The following SYN2 variants were observed in gnomAD, a reference collection of about 807,000 sequenced individuals.
The protein encoded by SYN2 is synapsin II, also known as synapsin-2.
Under a neutral mutation model 50.9 loss-of-function variants are expected in SYN2, and 19 were observed. That is an observed-to-expected ratio of 0.37 (90% CI 0.26 to 0.55). The LOEUF (loss-of-function observed/expected upper bound fraction) is 0.55. Ranked by LOEUF, SYN2 falls within the 20% of genes least tolerant of loss-of-function variation. The probability of loss-of-function intolerance (pLI) is 0.81; values close to 1 mark genes in which losing one functional copy is unlikely to be tolerated. For missense variants in SYN2, 587 were observed against 576.4 expected (o/e 1.02, Z -0.19); for synonymous variants, 255 against 224.9 (o/e 1.13, Z -1.20).
chr3:12,190,519 G>T lies in SYN2; in HGVS notation c.1643G>T (p.Ser548Ile). The T allele has an allele frequency of 6.2e-7, 1 of 1,613,774 alleles. No individual in the cohort carries two copies. Among genetic ancestry groups the T allele is most frequent in the Non-Finnish European group, 8.5e-7 (1 of 1,179,814 alleles). Residue 548 changes from serine to isoleucine, a missense_variant, in exon 13 of 13, where the codon AGC becomes ATC. Coordinates refer to ENST00000621198, the MANE Select transcript of SYN2 (RefSeq NM_133625.6). ...TCGCAGTCCCTGACAAATGCCTTCAGCTTCTCTGAGTCCTCCTTCTTCCGG... is the reference window on the plus strand; with the variant it reads ...TCGCAGTCCCTGACAAATGCCTTCATCTTCTCTGAGTCCTCCTTCTTCCGG... ...NKSQSLTNAF[S>I]FSESSFFRSS...
intron 10 of SYN2, among the ~76,000 whole-genome samples, chr3:12,173,379 C>G (rs1381037621): frequency 3.9e-5 from 6 of 152,172 alleles, no homozygotes; most frequent in African/African-American, 1.4e-4. Flanking sequence ...TCACATCCAC[C>G]CACTTATCTG....
rs1455539000 is a variant in SYN2 at position 12,004,710 on chromosome 3, C to T, written c.159C>T (p.Thr53=). ...GAASASAAPP[T]ASPGPERRPP... ...CCTCGGCCTCGGCGGCGCCCCCGAC[C>T]GCCTCGCCGGGCCCGGAGCGGAGGC... The change falls in exon 1 of 13, where the codon ACC becomes ACT. Residue 53 remains threonine, a synonymous_variant. Transcript: ENST00000621198. The T allele has an allele frequency of 7.8e-5, 13 of 167,100 alleles. No homozygotes were observed. Among genetic ancestry groups the T allele is most frequent in the African/African-American group, 3.2e-4 (13 of 40,706 alleles). 10.4% of individuals were successfully genotyped at this position (167,100 alleles called of 1,614,324 possible). A position where few individuals can be genotyped will look rare whatever the true frequency, so the allele number is the denominator to read the frequency against.
chr3:12,112,717 A>G (rs1696349876), intron 1 of SYN2, among the ~76,000 whole-genome samples: 1 of 152,128 alleles, frequency 6.6e-6, no homozygotes, highest in African/African-American at 2.4e-5. Flanking sequence ...ATTAATAGTG[A>G]TTGGCAGACT....
intron 1 of SYN2, among the ~76,000 whole-genome samples, chr3:12,024,755 C>T (rs1383983877): frequency 2.0e-5 from 3 of 152,148 alleles, no homozygotes. Flanking sequence ...AATTTTTGTA[C>T]ATGATGTTGG....
At chr3:12,125,114 A>G (rs1316495915) in intron 1 of SYN2, among the ~76,000 whole-genome samples, 1 of 151,988 alleles carries the variant, frequency 6.6e-6, no homozygotes, top group Non-Finnish European at 1.5e-5. Flanking sequence ...TCCCGGGTTC[A>G]AGTGATTCTC....
At chr3:12,094,702 G>C (rs1230426267) in intron 1 of SYN2, among the ~76,000 whole-genome samples, 1 of 152,150 alleles carries the variant, frequency 6.6e-6, no homozygotes, top group Non-Finnish European at 1.5e-5. Context: ...CTAGCACATA[G>C]AATATCTCTA....
chr3:12,099,083 T>C (rs1297778370), intron 1 of SYN2, among the ~76,000 whole-genome samples: 1 of 151,986 alleles, frequency 6.6e-6, no homozygotes, highest in African/African-American at 2.4e-5. Context: ...ATGGACAGAA[T>C]TGAAGGGAAA....
intron 1 of SYN2, among the ~76,000 whole-genome samples, chr3:12,098,117 A>G (rs150732909): frequency 2.0e-5 from 3 of 152,372 alleles, no homozygotes; most frequent in African/African-American, 4.8e-5. Context: ...ACCCAAAGTC[A>G]GTCTTGAAAG....
intron 1 of SYN2, among the ~76,000 whole-genome samples, chr3:12,091,739 G>A (rs999242568): frequency 7.9e-5 from 12 of 152,192 alleles, no homozygotes; most frequent in Non-Finnish European, 1.8e-4. Context: ...AACACTAACA[G>A]TGGTCTACCC....
At chr3:12,011,100 C>T (rs1693902792) in intron 1 of SYN2, among the ~76,000 whole-genome samples, 1 of 152,184 alleles carries the variant, frequency 6.6e-6, no homozygotes, top group African/African-American at 2.4e-5. Flanking sequence ...GAGGCTACTG[C>T]ATTTAACCAT....
chr3:12,056,251 A>G (rs1352262559), intron 1 of SYN2, among the ~76,000 whole-genome samples: 1 of 152,056 alleles, frequency 6.6e-6, no homozygotes, highest in Admixed American at 6.5e-5. Context: ...AAGTAATTCC[A>G]TAAAAGTCAA....
intron 7 of SYN2, among the ~76,000 whole-genome samples, chr3:12,164,266 G>A (rs1697727352): frequency 1.3e-5 from 2 of 152,102 alleles, no homozygotes; most frequent in Admixed American, 6.5e-5. Flanking sequence ...CTTAAAAGAA[G>A]ACACCTAAAT....
At chr3:12,093,805 C>G (rs1317062732) in intron 1 of SYN2, among the ~76,000 whole-genome samples, 2 of 152,044 alleles carry the variant, frequency 1.3e-5, no homozygotes, top group Non-Finnish European at 2.9e-5. Flanking sequence ...TCTCTATCCC[C>G]TGACTGCCTT....
intron 3 of SYN2, among the ~76,000 whole-genome samples, chr3:12,144,332 A>G (rs1175300461): frequency 6.6e-6 from 1 of 152,142 alleles, no homozygotes; most frequent in Non-Finnish European, 1.5e-5. Flanking sequence ...GAAGAATAAC[A>G]TTGGGAAGTC....
chr3:12,121,108 T>C (rs1248807971), intron 1 of SYN2, among the ~76,000 whole-genome samples: 1 of 152,230 alleles, frequency 6.6e-6, no homozygotes, highest in Non-Finnish European at 1.5e-5. Context: ...TAACCTTTAC[T>C]TCACTTTTGC....
chr3:12,023,139 G>T (rs1016270203), intron 1 of SYN2, among the ~76,000 whole-genome samples: 1 of 151,956 alleles, frequency 6.6e-6, no homozygotes, highest in Non-Finnish European at 1.5e-5. Flanking sequence ...TATTTTCCAG[G>T]GTTATTGTGC....
At chr3:12,142,434 T>C (rs1483460433) in intron 3 of SYN2, among the ~76,000 whole-genome samples, 2 of 152,242 alleles carry the variant, frequency 1.3e-5, no homozygotes, top group Middle Eastern at 3.2e-3. Context: ...TAGTGAGTTG[T>C]GGCAGAGCCC....
intron 1 of SYN2, among the ~76,000 whole-genome samples, chr3:12,114,442 C>T (rs1196487906): frequency 6.6e-6 from 1 of 152,046 alleles, no homozygotes; most frequent in African/African-American, 2.4e-5. Flanking sequence ...AGTTTTTACT[C>T]TTGATGAAAG....
intron 11 of SYN2, 192 bp downstream of exon 11, chr3:12,183,564 A>G: frequency 1.4e-5 from 21 of 1,511,150 alleles, no homozygotes; most frequent in East Asian, 2.5e-5. Flanking sequence ...TGCTGACTGG[A>G]CTGTGTTTTT....
Sources: gnomAD v4.1 joint callset for allele counts (sites outside exome capture counted in the v4.1 genomes callset) on GRCh38, gnomAD v4.1.1 for gene constraint, MANE v1.5 for transcripts, NCBI Gene and HGNC (gene_info 2026-07-23, HGNC 2026-07-21) for gene names.